RAPGEF5: variants seen among roughly 807,000 people sequenced by gnomAD.
The protein encoded by RAPGEF5 is Rap guanine nucleotide exchange factor 5.
RAPGEF5 carries 65 observed loss-of-function variants against 125.2 expected under a neutral mutation model. The observed-to-expected ratio is 0.52, with a 90% CI of 0.43 to 0.64. The LOEUF is 0.64. RAPGEF5 is among the 30% of genes least tolerant of loss of function. RAPGEF5 has a pLI of 0.00. For synonymous variants in RAPGEF5, 391 were observed against 385.9 expected (o/e 1.01, Z -0.16); for missense variants, 958 against 1,048.1 (o/e 0.91, Z 1.19).
chr7:22,222,807 TAGG>T (rs1042906913), intron 8 of RAPGEF5, among the ~76,000 whole-genome samples: 3 of 152,198 alleles, frequency 2.0e-5, no homozygotes, highest in African/African-American at 7.2e-5. Flanking sequence ...GAAGACCAGT[TAGG>T]AGCCTGGTTT....
At chr7:22,320,609 T>C (rs536374998) in intron 1 of RAPGEF5, among the ~76,000 whole-genome samples, 5 of 152,168 alleles carry the variant, frequency 3.3e-5, no homozygotes, top group East Asian at 1.9e-4. Context: ...TTCCCTGATA[T>C]ACAATCACTC....
chr7:22,260,532 T>TAAAAAAA (rs71550468), intron 7 of RAPGEF5, among the ~76,000 whole-genome samples: 1 of 124,162 alleles, frequency 8.1e-6, no homozygotes, highest in Admixed American at 8.0e-5. Context: ...TTAGGACCAG[T>TAAAAAAA]AAAAAAAAAA....
rs1002805984 is a variant in RAPGEF5 at position 22,160,683 on chromosome 7, C to T, written c.1429-68G>A. 1.1e-5 allele frequency: 16 copies of T among 1,430,074 alleles called. No homozygotes were observed. The African/African-American group carries it at 1.5e-4, about 13-fold the overall frequency. The allele number at this position is 1,430,074 out of a possible 1,614,324, so 88.6% of individuals were successfully genotyped here. Reference sequence around the variant, plus strand: ...ATTTTGTAGGGATTAAGACTCATACCATGGCTATCCTAACACAGGAAATAA... The same window carrying T: ...ATTTTGTAGGGATTAAGACTCATACTATGGCTATCCTAACACAGGAAATAA... On this transcript the variant is annotated intron_variant, in intron 13 of 25. Transcript: ENST00000665637.
At chr7:22,130,885 A>G (rs1782894796) in intron 24 of RAPGEF5, 152 bp downstream of exon 24, 1 of 1,079,444 alleles carries the variant, frequency 9.3e-7, no homozygotes, top group African/African-American at 1.6e-5. Flanking sequence ...AACATGCAGC[A>G]AATAAGCTCC....
At chr7:22,324,184 G>T (rs745588614) in intron 1 of RAPGEF5, among the ~76,000 whole-genome samples, 2 of 152,156 alleles carry the variant, frequency 1.3e-5, no homozygotes, top group African/African-American at 4.8e-5. Flanking sequence ...ACAGAGAAAG[G>T]CACTTTTATG....
intron 8 of RAPGEF5, among the ~76,000 whole-genome samples, chr7:22,226,495 A>G (rs1453865934): frequency 1.3e-5 from 2 of 152,212 alleles, no homozygotes; most frequent in Non-Finnish European, 2.9e-5. Flanking sequence ...GGCAACAAAT[A>G]TTCATTTTCT....
chr7:22,297,995 T>C (rs1055208270), intron 5 of RAPGEF5, among the ~76,000 whole-genome samples: 2 of 152,180 alleles, frequency 1.3e-5, no homozygotes, highest in African/African-American at 4.8e-5. Flanking sequence ...TCTGCATCTA[T>C]AAAATTTATC....
At chr7:22,133,755 A>G (rs576556554) in intron 23 of RAPGEF5, among the ~76,000 whole-genome samples, 63 of 152,348 alleles carry the variant, frequency 4.1e-4, no homozygotes, top group African/African-American at 1.4e-3. Flanking sequence ...TCCTTAGCTC[A>G]GCTGGGTCTT....
chr7:22,122,653 G>A (rs565960706), intron 25 of RAPGEF5, 132 bp from the exon 26 acceptor site: 2 of 649,548 alleles, frequency 3.1e-6, no homozygotes, highest in South Asian at 1.9e-5. Flanking sequence ...CCCATAAGAG[G>A]TGTCCTTGTC....
At chr7:22,274,376 C>CT (rs1782508738) in intron 6 of RAPGEF5, among the ~76,000 whole-genome samples, 1 of 152,162 alleles carries the variant, frequency 6.6e-6, no homozygotes, top group Non-Finnish European at 1.5e-5. Context: ...GTCACCCAGG[C>CT]TGGAGTGCAG....
intron 7 of RAPGEF5, among the ~76,000 whole-genome samples, chr7:22,238,906 A>C (rs377512802): frequency 6.6e-6 from 1 of 152,246 alleles, no homozygotes; most frequent in African/African-American, 2.4e-5. Context: ...CAGGTCTGAC[A>C]CTATCTGTAC....
At chr7:22,311,586 C>T (rs1185392738) in intron 3 of RAPGEF5, among the ~76,000 whole-genome samples, 1 of 152,130 alleles carries the variant, frequency 6.6e-6, no homozygotes, top group African/African-American at 2.4e-5. Context: ...AGCTTTTCAT[C>T]AAAAGCTAGA....
At chr7:22,325,794 GATCAAGCA>G (rs553774227) in intron 1 of RAPGEF5, among the ~76,000 whole-genome samples, 159 of 152,232 alleles carry the variant, frequency 1.0e-3, no homozygotes, top group Middle Eastern at 3.4e-3. Context: ...AAACTCCTGA[GATCAAGCA>G]ATCCTTGCAC....
At chr7:22,237,637 A>T (rs1274330032) in intron 7 of RAPGEF5, among the ~76,000 whole-genome samples, 1 of 151,946 alleles carries the variant, frequency 6.6e-6, no homozygotes, top group East Asian at 1.9e-4. Context: ...CCCTAGTTTT[A>T]GTTGGTCAGG....
chr7:22,313,716 G>A (rs1265786732), intron 3 of RAPGEF5, among the ~76,000 whole-genome samples: 1 of 152,254 alleles, frequency 6.6e-6, no homozygotes, highest in African/African-American at 2.4e-5. Context: ...ATGGCCTCAT[G>A]TAAATAAAAT....
At chr7:22,324,290 CT>C (rs1209854913) in intron 1 of RAPGEF5, among the ~76,000 whole-genome samples, 3 of 152,126 alleles carry the variant, frequency 2.0e-5, no homozygotes, top group Admixed American at 1.3e-4. Context: ...CTGTACTTTG[CT>C]AAAATTGTCA....
intron 20 of RAPGEF5, among the ~76,000 whole-genome samples, chr7:22,144,468 G>C (rs1783364425): frequency 6.6e-6 from 1 of 152,228 alleles, no homozygotes; most frequent in Non-Finnish European, 1.5e-5. Flanking sequence ...TTTGCTGGGT[G>C]CAAGTGGCCA....
chr7:22,243,049 AC>A (rs1442619394), intron 7 of RAPGEF5, among the ~76,000 whole-genome samples: 1 of 152,082 alleles, frequency 6.6e-6, no homozygotes, highest in Non-Finnish European at 1.5e-5. Flanking sequence ...ACTTGTAAGG[AC>A]CACAGAGCCA....
intron 8 of RAPGEF5, among the ~76,000 whole-genome samples, chr7:22,226,882 C>T (rs1785932055): frequency 6.6e-6 from 1 of 152,078 alleles, no homozygotes; most frequent in African/African-American, 2.4e-5. Context: ...CTGCATCCTG[C>T]CAGAGCATGC....
Sources: gnomAD v4.1 joint callset for allele counts (sites outside exome capture counted in the v4.1 genomes callset) on GRCh38, gnomAD v4.1.1 for gene constraint, MANE v1.5 for transcripts, NCBI Gene and HGNC (gene_info 2026-07-23, HGNC 2026-07-21) for gene names.